Variants in FGF14 observed in about 807,000 individuals in gnomAD.
The protein encoded by FGF14 is fibroblast growth factor 14.
Under a neutral mutation model 25.5 loss-of-function variants are expected in FGF14, and 5 were observed. That is an observed-to-expected ratio of 0.20 (90% CI 0.10 to 0.41). FGF14 has a LOEUF of 0.41. Ranked by LOEUF, FGF14 falls within the 10% of genes least tolerant of loss-of-function variation. FGF14 has a pLI of 1.00. For missense variants in FGF14, 222 were observed against 320.1 expected, an observed-to-expected ratio of 0.69 and a Z score of 2.34; for synonymous variants, 138 against 118.3, an observed-to-expected ratio of 1.17 and a Z score of -1.08.
chr13:102,045,321 C>T (rs2041934086), intron 1 of FGF14, among the ~76,000 whole-genome samples: 1 of 151,538 alleles, frequency 6.6e-6, no homozygotes, highest in Admixed American at 6.6e-5. Flanking sequence ...TAAATACACA[C>T]AGAAGTTTCA....
At chr13:101,826,307 G>A (rs1189057784) in intron 3 of FGF14, among the ~76,000 whole-genome samples, 1 of 151,932 alleles carries the variant, frequency 6.6e-6, no homozygotes, top group Admixed American at 6.6e-5. Flanking sequence ...TTATCCTGAG[G>A]CACATTCTAC....
chr13:102,245,196 C>A (rs1175266942), intron 1 of FGF14, among the ~76,000 whole-genome samples: 1 of 152,012 alleles, frequency 6.6e-6, no homozygotes, highest in Non-Finnish European at 1.5e-5. Flanking sequence ...TATACAAAGA[C>A]AAGGTACACA....
rs554523295 is a variant in FGF14 at position 102,108,374 on chromosome 13, G to A, written c.209-233078C>T. ...TCTTGCATATGTTCGTATTCCTAACGCTATACCTGAAAGACACAGAATTAC... is the reference window on the plus strand; with the variant it reads ...TCTTGCATATGTTCGTATTCCTAACACTATACCTGAAAGACACAGAATTAC... On this transcript the variant is annotated intron_variant, in intron 1 of 4. Coordinates refer to the FGF14 transcript ENST00000376131. 4.6e-5 allele frequency among the ~76,000 whole-genome samples: 7 copies of A among 152,254 alleles called. No individual in the cohort carries two copies. The East Asian group carries it at 9.6e-4, about 21-fold the overall frequency.
At position 101,788,909 on chromosome 13, in the gene FGF14, T is replaced by TAGAGAG. The variant is rs781347440; in HGVS notation, c.409-62105_409-62100dup. Among the ~76,000 whole-genome samples, 37 of 31,198 alleles carry TAGAGAG rather than the reference T, an allele frequency of 1.2e-3. 1 individual carries two copies. The highest frequency in any genetic ancestry group is 2.7e-3 in the African/African-American group (22 of 8,226). 20.5% of individuals were successfully genotyped at this position (31,198 alleles called of 152,430 possible). A position where few individuals can be genotyped will look rare whatever the true frequency, so the allele number is the denominator to read the frequency against. On this transcript the variant is annotated intron_variant, in intron 3 of 4. Transcript: ENST00000376143. ...ATATATATATATATATATATATATA[T>TAGAGAG]AGAGAGAGAGAGAGAGAGAGAGAGA...
At chr13:102,198,085 C>G (rs1196067942) in intron 1 of FGF14, among the ~76,000 whole-genome samples, 1 of 152,184 alleles carries the variant, frequency 6.6e-6, no homozygotes, top group Non-Finnish European at 1.5e-5. Context: ...CCCGCCCTGG[C>G]GCAGAGTTGT....
intron 1 of FGF14, among the ~76,000 whole-genome samples, chr13:101,889,558 T>C (rs932286453): frequency 6.6e-6 from 1 of 152,136 alleles, no homozygotes; most frequent in African/African-American, 2.4e-5. Flanking sequence ...TAAACCCACG[T>C]CTGAAGAAAT....
chr13:102,168,470 C>T (rs999602117), intron 1 of FGF14, among the ~76,000 whole-genome samples: 3 of 152,092 alleles, frequency 2.0e-5, no homozygotes, highest in African/African-American at 7.2e-5. Flanking sequence ...TGAGCCACTG[C>T]ACCTAGCCTA....
intron 1 of FGF14, among the ~76,000 whole-genome samples, chr13:101,898,456 A>G (rs115878626): frequency 2.5e-3 from 377 of 152,136 alleles, no homozygotes; most frequent in African/African-American, 8.7e-3. Context: ...ATATGGATTT[A>G]CTCAGTGGGT....
intron 1 of FGF14, among the ~76,000 whole-genome samples, chr13:102,294,239 G>A (rs1456599297): frequency 1.3e-5 from 2 of 152,114 alleles, no homozygotes; most frequent in Non-Finnish European, 2.9e-5. Flanking sequence ...CAAATAAAAT[G>A]TCTTTTCTAT....
intron 1 of FGF14, among the ~76,000 whole-genome samples, chr13:102,294,486 A>T (rs2054594509): frequency 6.6e-6 from 1 of 152,030 alleles, no homozygotes. Context: ...AAATTTATTT[A>T]ATATCAGCAG....
intron 3 of FGF14, among the ~76,000 whole-genome samples, chr13:101,848,261 A>G (rs1038731523): frequency 5.9e-5 from 9 of 152,140 alleles, no homozygotes; most frequent in Middle Eastern, 6.8e-3. Flanking sequence ...TACTGAATAC[A>G]TGGATTCTTA....
chr13:102,242,368 T>G (rs2051644520), intron 1 of FGF14, among the ~76,000 whole-genome samples: 2 of 151,954 alleles, frequency 1.3e-5, no homozygotes, highest in Non-Finnish European at 2.9e-5. Context: ...ATTCCTGAGA[T>G]TGGGTAATTT....
At chr13:101,859,406 A>AT (rs2044293270) in intron 3 of FGF14, among the ~76,000 whole-genome samples, 1 of 151,902 alleles carries the variant, frequency 6.6e-6, no homozygotes, top group Admixed American at 6.6e-5. Flanking sequence ...GGTTTTTGTT[A>AT]TTTTTTCTTT....
intron 1 of FGF14, among the ~76,000 whole-genome samples, chr13:102,040,650 A>C (rs2041688180): frequency 6.6e-6 from 1 of 152,188 alleles, no homozygotes; most frequent in Non-Finnish European, 1.5e-5. Flanking sequence ...TCAATGTGTT[A>C]ATTTCCCAAT....
In FGF14 at chr13:101,759,537, C is replaced by T. The variant is rs545828698; in HGVS notation, c.409-32727G>A. 8.5e-5 allele frequency among the ~76,000 whole-genome samples: 13 copies of T among 152,232 alleles called. No individual in the cohort carries two copies. The East Asian group carries it at 2.5e-3, about 29-fold the overall frequency. ...TCTGAGTGCCCATTACCCTTCCGAC[C>T]CATTGTTACGATTCTTAACATCTGA... On this transcript the variant is annotated intron_variant, in intron 3 of 4. Coordinates refer to ENST00000376143, the MANE Select transcript of FGF14 (RefSeq NM_004115.4).
At chr13:102,198,239 A>T (rs2049455811) in intron 1 of FGF14, among the ~76,000 whole-genome samples, 2 of 152,222 alleles carry the variant, frequency 1.3e-5, no homozygotes, top group South Asian at 4.1e-4. Context: ...CAAGAATCAG[A>T]GGAATAAAAC....
chr13:102,184,010 A>G (rs566138600), intron 1 of FGF14, among the ~76,000 whole-genome samples: 2 of 152,306 alleles, frequency 1.3e-5, no homozygotes, highest in South Asian at 2.1e-4. Flanking sequence ...GTAAATATCA[A>G]GAAATACAAC....
chr13:102,079,114 C>A (rs768037710), intron 1 of FGF14, among the ~76,000 whole-genome samples: 1 of 152,112 alleles, frequency 6.6e-6, no homozygotes, highest in Non-Finnish European at 1.5e-5. Flanking sequence ...ACCCAGGGAG[C>A]CCTTAGGTAG....
At position 101,888,772 on chromosome 13, in the gene FGF14, A is replaced by G. The variant is rs16959439; in HGVS notation, c.194-13476T>C. On this transcript the variant is annotated intron_variant, in intron 1 of 4. Coordinates refer to ENST00000376143, the MANE Select transcript of FGF14 (RefSeq NM_004115.4). ...TGTCTTCAAGATTACCTTCTGATATAGAGCACAACAAAACACTTCTTCAAA... is the reference window on the plus strand; with the variant it reads ...TGTCTTCAAGATTACCTTCTGATATGGAGCACAACAAAACACTTCTTCAAA... Among the ~76,000 whole-genome samples, 730 of 152,326 alleles carry G rather than the reference A, an allele frequency of 4.8e-3. 7 individuals are homozygous for G. The highest frequency in any genetic ancestry group is 0.016 in the African/African-American group (685 of 41,568).
Sources: allele counts gnomAD v4.1 joint callset (sites outside exome capture counted in the v4.1 genomes callset), GRCh38; gene constraint gnomAD v4.1.1; transcripts MANE v1.5; gene names NCBI Gene and HGNC (gene_info 2026-07-23, HGNC 2026-07-21).